PARP16: variants seen among roughly 807,000 people sequenced by gnomAD.
PARP16 encodes poly(ADP-ribose) polymerase family member 16.
PARP16 carries 31 observed loss-of-function variants against 35.0 expected under a neutral mutation model. The ratio of observed to expected loss-of-function variants is 0.88; its 90% CI spans 0.66 to 1.19. PARP16 has a LOEUF of 1.19. Ranked by LOEUF, PARP16 falls within the 50% of genes most tolerant of loss-of-function variation. PARP16 has a pLI of 0.00. For missense variants in PARP16, 424 were observed against 411.2 expected (o/e 1.03, Z -0.27); for synonymous variants, 162 against 169.5 (o/e 0.96, Z 0.34).
At position 65,271,061 on chromosome 15, in the gene PARP16, G is replaced by A. The variant is rs776614836; in HGVS notation, c.186C>T (p.Ala62=). ...CKDFEALLAD[A]SKLPNLKELL... ...GTTCTTTCAGGTTAGGTAACTTGCT[G>A]GCATCTGCAAGCTGAAGCGACGGAA... is the stretch of plus-strand genomic sequence containing the variant. The change falls in exon 2 of 6, where the codon GCC becomes GCT. Residue 62 remains alanine (A), a synonymous_variant. Transcript: ENST00000649807. 6.2e-7 allele frequency: 1 copy of A among 1,613,924 alleles called. No individual in the cohort carries two copies. Among genetic ancestry groups the A allele is most frequent in the Non-Finnish European group, 8.5e-7 (1 of 1,179,984 alleles).
At chr15:65,279,253 G>A (rs1480075519) in intron 1 of PARP16, among the ~76,000 whole-genome samples, 1 of 152,194 alleles carries the variant, frequency 6.6e-6, no homozygotes, top group Non-Finnish European at 1.5e-5. Context: ...AATGAGCTAC[G>A]TGTAGTAACA....
intron 3 of PARP16, among the ~76,000 whole-genome samples, chr15:65,241,327 G>C (rs567873731): frequency 6.4e-4 from 98 of 151,980 alleles, no homozygotes; most frequent in African/African-American, 2.3e-3. Context: ...TTTTAGTAGA[G>C]ACGGGGTTTC....
chr15:65,276,960 C>G (rs1267741839), intron 1 of PARP16, among the ~76,000 whole-genome samples: 1 of 148,490 alleles, frequency 6.7e-6, no homozygotes, highest in African/African-American at 2.5e-5. Flanking sequence ...CCAACCTGGG[C>G]AACAAGAGTC....
In PARP16 at chr15:65,286,324, T is replaced by C; in HGVS notation, c.103A>G (p.Lys35Glu). The change falls in exon 1 of 6, where the codon AAG (lysine) becomes GAG (glutamate). Residue 35 changes from lysine to glutamate, a missense_variant. Lys to Glu is a moderately conservative substitution (Grantham distance 56). Coordinates refer to ENST00000649807, the MANE Select transcript of PARP16 (RefSeq NM_001316943.2). ...SLFASALQSY[K>E]RDSVLRPFPA... ...AAGGGCCGCAGCACCGAGTCGCGCT[T>C]GTAGCTCTGCAGGGCCGAGGCGAAG... 1.2e-6 allele frequency: 2 copies of C among 1,604,418 alleles called. No homozygotes were observed. The highest frequency in any genetic ancestry group is 1.7e-6 in the Non-Finnish European group (2 of 1,176,768).
chr15:65,268,395 G>A (rs1376140399), intron 2 of PARP16, among the ~76,000 whole-genome samples: 2 of 152,066 alleles, frequency 1.3e-5, no homozygotes, highest in African/African-American at 4.8e-5. Flanking sequence ...ATCCAGCCAA[G>A]CCCAGAACCA....
intron 3 of PARP16, among the ~76,000 whole-genome samples, chr15:65,238,773 C>T (rs1362918596): frequency 6.6e-6 from 1 of 152,164 alleles, no homozygotes; most frequent in African/African-American, 2.4e-5. Context: ...ATTAATTGCA[C>T]ACTTCAAGCT....
At chr15:65,252,038 A>G (rs967638609) in intron 2 of PARP16, among the ~76,000 whole-genome samples, 4 of 152,072 alleles carry the variant, frequency 2.6e-5, no homozygotes, top group Non-Finnish European at 5.9e-5. Flanking sequence ...TGCTGGGATT[A>G]CAGGTGTAAG....
At chr15:65,282,391 C>T (rs1291428446) in intron 1 of PARP16, among the ~76,000 whole-genome samples, 1 of 152,180 alleles carries the variant, frequency 6.6e-6, no homozygotes, top group African/African-American at 2.4e-5. Flanking sequence ...ACCTGATTCC[C>T]TTTTCTTTAA....
chr15:65,278,381 C>T (rs1003038482), intron 1 of PARP16, among the ~76,000 whole-genome samples: 11 of 152,222 alleles, frequency 7.2e-5, no homozygotes, highest in Admixed American at 2.6e-4. Flanking sequence ...AAACAAAACC[C>T]GTCAGCTCAC....
intron 1 of PARP16, among the ~76,000 whole-genome samples, chr15:65,276,377 GT>G (rs1003982077): frequency 9.2e-5 from 14 of 151,778 alleles, no homozygotes; most frequent in Non-Finnish European, 1.5e-4. Flanking sequence ...GACCCATTTT[GT>G]TTTTTTTAAA....
At chr15:65,273,003 G>T (rs757450388) in intron 1 of PARP16, among the ~76,000 whole-genome samples, 1 of 152,076 alleles carries the variant, frequency 6.6e-6, no homozygotes, top group Admixed American at 6.5e-5. Flanking sequence ...GTGGTGGCCC[G>T]GTGTGGTGGT....
rs1343597018 is a variant in PARP16 at position 65,286,781 on chromosome 15, C to T, written c.-355G>A. On this transcript the variant is annotated 5_prime_UTR_variant, in exon 1 of 6. It adds an upstream start codon to the 5' untranslated region. Coordinates refer to ENST00000649807, the MANE Select transcript of PARP16 (RefSeq NM_001316943.2). ...TGACAACCGCGGGAACGTGCTGACA[C>T]GTGTCCTCCGCGGAGGCCTGGGGCG... The T allele has an allele frequency of 4.3e-6, 1 of 233,818 alleles. No homozygotes were observed. Among genetic ancestry groups the T allele is most frequent in the Non-Finnish European group, 8.3e-6 (1 of 120,590 alleles). The allele number at this position is 233,818 out of a possible 1,614,324, so 14.5% of individuals were successfully genotyped here.
chr15:65,286,532 G>T lies in PARP16; in HGVS notation c.-106C>A. On this transcript the variant is annotated 5_prime_UTR_variant, in exon 1 of 6. Transcript: ENST00000649807. ...CGCGGACAATGGGCCGTCAGGGGCCGGGTTCCCAAGCCTGGGGTGGAGCTA... is the reference window on the plus strand; with the variant it reads ...CGCGGACAATGGGCCGTCAGGGGCCTGGTTCCCAAGCCTGGGGTGGAGCTA... The T allele has an allele frequency of 2.3e-6, 2 of 854,710 alleles. No individual in the cohort carries two copies. Among genetic ancestry groups the T allele is most frequent in the Non-Finnish European group, 3.4e-6 (2 of 595,732 alleles). The allele number at this position is 854,710 out of a possible 1,614,324, so 52.9% of individuals were successfully genotyped here. A position where few individuals can be genotyped will look rare whatever the true frequency, so the allele number is the denominator to read the frequency against.
intron 1 of PARP16, among the ~76,000 whole-genome samples, chr15:65,280,891 G>A (rs995861461): frequency 2.0e-5 from 3 of 152,196 alleles, no homozygotes. Context: ...AACAGGGTAA[G>A]CTTCATGCAG....
chr15:65,250,891 G>A (rs1010888744), intron 2 of PARP16, among the ~76,000 whole-genome samples: 2 of 152,016 alleles, frequency 1.3e-5, no homozygotes, highest in Non-Finnish European at 2.9e-5. Flanking sequence ...ATTTAGAGAC[G>A]GAGTCTCACT....
intron 3 of PARP16, among the ~76,000 whole-genome samples, chr15:65,238,852 T>C (rs892951729): frequency 6.6e-6 from 1 of 152,256 alleles, no homozygotes; most frequent in East Asian, 1.9e-4. Context: ...ACCATATCTA[T>C]GTGCAGTGGC....
At chr15:65,284,401 G>A (rs2090518909) in intron 1 of PARP16, among the ~76,000 whole-genome samples, 1 of 145,490 alleles carries the variant, frequency 6.9e-6, no homozygotes, top group South Asian at 2.2e-4. Flanking sequence ...GGAGTGCAGT[G>A]GGGCGATCTC....
Position 65,280,359 on chromosome 15 carries a change from C to T in PARP16, c.174+5894G>A, listed in dbSNP as rs562214860. Among the ~76,000 whole-genome samples the T allele has an allele frequency of 4.6e-5, 7 of 151,212 alleles. No individual in the cohort carries two copies. The South Asian group carries it at 1.5e-3, about 32-fold the overall frequency. ...GGCTGACGTAGGAGGATCGCTTGAGCCCGGGAGGCAGAGGTTGCACTGAGC... is the reference window on the plus strand; with the variant it reads ...GGCTGACGTAGGAGGATCGCTTGAGTCCGGGAGGCAGAGGTTGCACTGAGC... On this transcript the variant is annotated intron_variant, in intron 1 of 5. Coordinates refer to ENST00000649807, the MANE Select transcript of PARP16 (RefSeq NM_001316943.2).
At chr15:65,255,898 T>C (rs182693669), downstream of PARP16, among the ~76,000 whole-genome samples, 376 of 152,006 alleles carry the variant, frequency 2.5e-3, 4 homozygotes, top group African/African-American at 8.6e-3. Flanking sequence ...ACTTGAGACA[T>C]ATAGCCAGGT....
Sources: gnomAD v4.1 joint callset for allele counts (sites outside exome capture counted in the v4.1 genomes callset) on GRCh38, gnomAD v4.1.1 for gene constraint, MANE v1.5 for transcripts, NCBI Gene and HGNC (gene_info 2026-07-23, HGNC 2026-07-21) for gene names.